The following ROBO2 variants were observed in gnomAD, a reference collection of about 807,000 sequenced individuals.
ROBO2 encodes roundabout homolog 2.
Under a neutral mutation model 160.8 loss-of-function variants are expected in ROBO2, and 53 were observed. The observed-to-expected ratio is 0.33, with a 90% CI of 0.26 to 0.41. The LOEUF is 0.41. ROBO2 is among the 10% of genes least tolerant of loss of function. The pLI is 1.00. For missense variants in ROBO2, 1,577 were observed against 1,722.4 expected, an observed-to-expected ratio of 0.92 and a Z score of 1.49; for synonymous variants, 664 against 611.7, an observed-to-expected ratio of 1.09 and a Z score of -1.26.
At chr3:76,068,005 T>C (rs1281729483) in intron 2 of ROBO2, among the ~76,000 whole-genome samples, 1 of 152,154 alleles carries the variant, frequency 6.6e-6, no homozygotes, top group African/African-American at 2.4e-5. Flanking sequence ...TATTTAAAAC[T>C]CTTAATATGT....
At chr3:77,208,766 G>T (rs1012123719) in intron 2 of ROBO2, among the ~76,000 whole-genome samples, 1 of 152,106 alleles carries the variant, frequency 6.6e-6, no homozygotes, top group African/African-American at 2.4e-5. Context: ...TATTTCTTGA[G>T]GAGAAGAAAG....
At chr3:76,557,604 C>CT (rs58555009) in intron 2 of ROBO2, among the ~76,000 whole-genome samples, 4,842 of 130,314 alleles carry the variant, frequency 0.037, 197 homozygotes, top group African/African-American at 0.11. Context: ...TAAAGGGTGC[C>CT]TTTTTTTTTT....
At chr3:77,166,287 A>C (rs2079067558) in intron 2 of ROBO2, among the ~76,000 whole-genome samples, 1 of 152,150 alleles carries the variant, frequency 6.6e-6, no homozygotes, top group African/African-American at 2.4e-5. Flanking sequence ...AAAAAGAAAA[A>C]AGAAAGAAAC....
intron 2 of ROBO2, among the ~76,000 whole-genome samples, chr3:76,492,906 T>C (rs2079912865): frequency 6.6e-6 from 1 of 152,204 alleles, no homozygotes; most frequent in Non-Finnish European, 1.5e-5. Flanking sequence ...GATATAATCA[T>C]GTAATTATGA....
intron 2 of ROBO2, among the ~76,000 whole-genome samples, chr3:76,572,322 T>C (rs967495767): frequency 6.6e-6 from 1 of 152,106 alleles, no homozygotes; most frequent in Non-Finnish European, 1.5e-5. Flanking sequence ...CACACCATCA[T>C]CATCATCTCT....
At chr3:76,045,776 C>G (rs1576618906) in intron 2 of ROBO2, among the ~76,000 whole-genome samples, 1 of 152,036 alleles carries the variant, frequency 6.6e-6, no homozygotes, top group East Asian at 1.9e-4. Flanking sequence ...TGCTCAAAAC[C>G]AAGCACTCTG....
chr3:76,399,729 G>A (rs565823939), intron 2 of ROBO2, among the ~76,000 whole-genome samples: 6 of 151,806 alleles, frequency 4.0e-5, no homozygotes, highest in South Asian at 2.1e-4. Flanking sequence ...TACAGAGGCC[G>A]TCAGGGGAGT....
intron 5 of ROBO2, among the ~76,000 whole-genome samples, chr3:77,505,397 T>G (rs1181267513): frequency 6.6e-6 from 1 of 152,074 alleles, no homozygotes; most frequent in Admixed American, 6.6e-5. Context: ...AAATTAAAAA[T>G]TAATGCTGAG....
chr3:76,499,466 C>A (rs1189162949), intron 2 of ROBO2, among the ~76,000 whole-genome samples: 1 of 152,180 alleles, frequency 6.6e-6, no homozygotes, highest in Non-Finnish European at 1.5e-5. Context: ...ACTCCACTTC[C>A]TTCTCAAATA....
chr3:76,798,290 A>AAGAAAGAG (rs2063910828), intron 2 of ROBO2, among the ~76,000 whole-genome samples: 2 of 150,896 alleles, frequency 1.3e-5, no homozygotes, highest in Non-Finnish European at 2.9e-5. Context: ...GAAAGAAAGA[A>AAGAAAGAG]AGAAAGAAAG....
chr3:75,920,394 T>C (rs1486939735), intron 1 of ROBO2, among the ~76,000 whole-genome samples: 1 of 152,070 alleles, frequency 6.6e-6, no homozygotes, highest in East Asian at 1.9e-4. Flanking sequence ...GTTTGAGAGA[T>C]TGTTTGTTAT....
rs1277459586 is a variant in ROBO2, at chr3:75,981,281, T to TGGG, written c.109+43679_109+43680insGGG. ...CCATTCAATTGCTGGAACTAATTAT[T>TGGG]TAACTATTCAGTTTCCCAAGTTTTC... On this transcript the variant is annotated intron_variant, in intron 2 of 26. Coordinates refer to the ROBO2 transcript ENST00000487694. Among the ~76,000 whole-genome samples the TGGG allele has an allele frequency of 6.6e-5, 10 of 151,648 alleles. No individual in the cohort carries two copies. The East Asian group carries it at 1.6e-3, about 24-fold the overall frequency.
At chr3:76,203,856 T>TGAC (rs540013929) in intron 2 of ROBO2, among the ~76,000 whole-genome samples, 226 of 152,360 alleles carry the variant, frequency 1.5e-3, no homozygotes, top group Non-Finnish European at 2.2e-3. Context: ...GGTCAACAGA[T>TGAC]GACAGGTCAT....
chr3:76,897,173 G>C (rs1398235611), intron 2 of ROBO2, among the ~76,000 whole-genome samples: 2 of 152,040 alleles, frequency 1.3e-5, no homozygotes, highest in Non-Finnish European at 2.9e-5. Context: ...CATTTATGAT[G>C]GATCTATCAG....
At chr3:76,551,622 A>T (rs975188541) in intron 2 of ROBO2, among the ~76,000 whole-genome samples, 1 of 152,070 alleles carries the variant, frequency 6.6e-6, no homozygotes, top group Admixed American at 6.6e-5. Context: ...GGATCCCTGA[A>T]CCAGCGCTGT....
intron 2 of ROBO2, among the ~76,000 whole-genome samples, chr3:76,762,105 C>A (rs191115729): frequency 1.6e-3 from 249 of 151,220 alleles, no homozygotes; most frequent in Non-Finnish European, 3.1e-3. Flanking sequence ...TTATTAGATT[C>A]TGAGATTAAT....
intron 2 of ROBO2, among the ~76,000 whole-genome samples, chr3:76,633,312 A>C (rs2090138033): frequency 6.6e-6 from 1 of 152,190 alleles, no homozygotes. Context: ...CAGGCAAGCA[A>C]GTACTTGAGA....
intron 2 of ROBO2, among the ~76,000 whole-genome samples, chr3:75,948,350 T>A (rs1948400207): frequency 6.6e-6 from 1 of 152,044 alleles, no homozygotes; most frequent in Non-Finnish European, 1.5e-5. Flanking sequence ...GAAAAAAACA[T>A]CAAACTCTCC....
intron 2 of ROBO2, among the ~76,000 whole-genome samples, chr3:75,985,990 A>G (rs1412236427): frequency 6.6e-6 from 1 of 151,694 alleles, no homozygotes; most frequent in African/African-American, 2.4e-5. Flanking sequence ...ATTGTGAATA[A>G]TATTGCTGTG....
Sources: gnomAD v4.1 joint callset for allele counts (sites outside exome capture counted in the v4.1 genomes callset) on GRCh38, gnomAD v4.1.1 for gene constraint, MANE v1.5 for transcripts, NCBI Gene and HGNC (gene_info 2026-07-23, HGNC 2026-07-21) for gene names.